Variants in DCDC2C observed in about 807,000 individuals in gnomAD.
DCDC2C encodes doublecortin domain containing 2C.
DCDC2C carries 44 observed loss-of-function variants against 45.0 expected under a neutral mutation model. The ratio of observed to expected loss-of-function variants is 0.98; its 90% CI spans 0.77 to 1.26. The LOEUF (loss-of-function observed/expected upper bound fraction) is 1.26. Among genes scored for constraint, DCDC2C ranks in the 50% most tolerant of loss-of-function variants. DCDC2C has a pLI of 0.00. For missense variants in DCDC2C, 447 were observed against 468.9 expected, an observed-to-expected ratio of 0.95 and a Z score of 0.43; for synonymous variants, 187 against 178.8, an observed-to-expected ratio of 1.05 and a Z score of -0.37.
intron 4 of DCDC2C, among the ~76,000 whole-genome samples, chr2:3,743,893 C>T (rs1315932832): frequency 6.6e-6 from 1 of 152,170 alleles, no homozygotes; most frequent in African/African-American, 2.4e-5. Context: ...CATGGTGAAA[C>T]CCCATCTCTA....
intron 3 of DCDC2C, among the ~76,000 whole-genome samples, chr2:3,736,612 G>A (rs1052173936): frequency 2.0e-5 from 3 of 152,184 alleles, no homozygotes; most frequent in African/African-American, 7.2e-5. Context: ...CCACGAGCCA[G>A]CAAATGTCCA....
rs1558565046 is a variant in DCDC2C, at chr2:3,725,753, GCC to G, written c.340-1249_340-1248del. ...GCCAGGTGGATCCCGGAGAGAGACTGCCAGAGAGTGATGAGGGTGGCCAGGTG... is the reference window on the plus strand; with the variant it reads ...GCCAGGTGGATCCCGGAGAGAGACTGAGAGAGTGATGAGGGTGGCCAGGTG... On this transcript the variant is annotated intron_variant, in intron 2 of 10. Coordinates refer to ENST00000399143, the MANE Select transcript of DCDC2C (RefSeq NM_001287444.2). Among the ~76,000 whole-genome samples, 158 of 147,002 alleles carry G rather than the reference GCC, an allele frequency of 1.1e-3. 1 individual carries two copies. The highest frequency in any genetic ancestry group is 1.6e-3 in the African/African-American group (61 of 39,100).
At chr2:3,777,813 C>T (rs1670388367) in intron 8 of DCDC2C, among the ~76,000 whole-genome samples, 1 of 152,244 alleles carries the variant, frequency 6.6e-6, no homozygotes, top group African/African-American at 2.4e-5. Context: ...GCTGTTGGGT[C>T]TTCATGGCTC....
chr2:3,803,907 G>T (rs1046642055), intron 10 of DCDC2C, among the ~76,000 whole-genome samples: 1 of 152,162 alleles, frequency 6.6e-6, no homozygotes, highest in African/African-American at 2.4e-5. Flanking sequence ...TGACTCTTCC[G>T]TGTTTTCCCC....
At chr2:3,766,757 C>T (rs1424644335) in intron 6 of DCDC2C, among the ~76,000 whole-genome samples, 3 of 152,070 alleles carry the variant, frequency 2.0e-5, no homozygotes, top group Admixed American at 2.0e-4. Context: ...CATTCACTTC[C>T]AAATACTTGA....
chr2:3,764,126 A>G (rs1669956608), intron 6 of DCDC2C, among the ~76,000 whole-genome samples: 1 of 152,204 alleles, frequency 6.6e-6, no homozygotes, highest in Admixed American at 6.5e-5. Flanking sequence ...TATTATATGC[A>G]ACTAGAAAGA....
intron 10 of DCDC2C, among the ~76,000 whole-genome samples, chr2:3,790,687 TTTA>T (rs1240935125): frequency 1.3e-5 from 2 of 152,228 alleles, no homozygotes; most frequent in Non-Finnish European, 1.5e-5. Flanking sequence ...AGCTAAGTCT[TTTA>T]TTGCTTCTCT....
chr2:3,756,704 G>C (rs1669727303), intron 6 of DCDC2C, among the ~76,000 whole-genome samples: 1 of 152,198 alleles, frequency 6.6e-6, no homozygotes, highest in Non-Finnish European at 1.5e-5. Flanking sequence ...GATTAAGCCT[G>C]ATGTTTTAAA....
intron 10 of DCDC2C, among the ~76,000 whole-genome samples, chr2:3,796,110 A>G (rs200954852): frequency 9.4e-6 from 1 of 106,920 alleles, no homozygotes; most frequent in Non-Finnish European, 1.9e-5. Context: ...ATTCCTAGGT[A>G]TTTTATTCTC....
intron 2 of DCDC2C, among the ~76,000 whole-genome samples, chr2:3,711,081 C>T (rs897749234): frequency 6.6e-6 from 1 of 152,214 alleles, no homozygotes; most frequent in Non-Finnish European, 1.5e-5. Context: ...TCACCAGCAA[C>T]TTCTGTTTTT....
At chr2:3,809,560 C>A (rs181887594) in intron 10 of DCDC2C, among the ~76,000 whole-genome samples, 1 of 152,094 alleles carries the variant, frequency 6.6e-6, no homozygotes. Context: ...TTTTTTATAT[C>A]GACCTGAATC....
chr2:3,833,515 T>G (rs1048538763), intron 10 of DCDC2C, among the ~76,000 whole-genome samples: 1 of 152,246 alleles, frequency 6.6e-6, no homozygotes, highest in Non-Finnish European at 1.5e-5. Flanking sequence ...TGCCATTGTG[T>G]CAGCCTTTCA....
chr2:3,820,075 T>A (rs1270566602), intron 10 of DCDC2C, among the ~76,000 whole-genome samples: 1 of 151,752 alleles, frequency 6.6e-6, no homozygotes, highest in East Asian at 1.9e-4. Context: ...GAAGAAAGAT[T>A]TGGGATGAGT....
intron 10 of DCDC2C, among the ~76,000 whole-genome samples, chr2:3,840,059 T>C (rs1672176774): frequency 6.6e-6 from 1 of 152,244 alleles, no homozygotes; most frequent in African/African-American, 2.4e-5. Flanking sequence ...GGAAAAGTTT[T>C]ATTGCATTTA....
At chr2:3,770,246 A>C (rs2148156238) in intron 8 of DCDC2C, among the ~76,000 whole-genome samples, 1 of 152,380 alleles carries the variant, frequency 6.6e-6, no homozygotes, top group Middle Eastern at 3.4e-3. Flanking sequence ...CCTCTAAAAT[A>C]GATGAGGTTC....
chr2:3,805,641 T>C (rs898152374), intron 10 of DCDC2C, among the ~76,000 whole-genome samples: 8 of 152,226 alleles, frequency 5.3e-5, no homozygotes, highest in Non-Finnish European at 1.2e-4. Flanking sequence ...AAAGAAGTAA[T>C]TAGGTTTTCG....
chr2:3,833,957 C>T (rs940257841), intron 10 of DCDC2C, among the ~76,000 whole-genome samples: 12 of 152,128 alleles, frequency 7.9e-5, no homozygotes, highest in African/African-American at 2.2e-4. Flanking sequence ...ATTTTGAGTA[C>T]AGAATGTTTG....
chr2:3,769,456 C>T, intron 8 of DCDC2C, 45 bp downstream of exon 8: 1 of 1,501,060 alleles, frequency 6.7e-7, no homozygotes, highest in Non-Finnish European at 9.1e-7. Flanking sequence ...CACTCCATTC[C>T]ATCAGCTCCT....
chr2:3,746,390 C>T (rs1015237063), intron 4 of DCDC2C, among the ~76,000 whole-genome samples: 34 of 152,172 alleles, frequency 2.2e-4, no homozygotes, highest in South Asian at 6.2e-4. Context: ...TGGATGGGGA[C>T]GAGCACGACC....
Sources: gnomAD v4.1 joint callset for allele counts (sites outside exome capture counted in the v4.1 genomes callset) on GRCh38, gnomAD v4.1.1 for gene constraint, MANE v1.5 for transcripts, NCBI Gene and HGNC (gene_info 2026-07-23, HGNC 2026-07-21) for gene names.